ITGA6: variants seen among roughly 807,000 people sequenced by gnomAD.
ITGA6 encodes the protein integrin subunit alpha 6.
A neutral mutation model predicts 133.6 loss-of-function variants in ITGA6; 63 were observed. That is an observed-to-expected ratio of 0.47 (90% CI 0.38 to 0.58). ITGA6 has a LOEUF of 0.58. Among genes scored for constraint, ITGA6 ranks in the 20% least tolerant of loss-of-function variants. The probability of loss-of-function intolerance (pLI) is 0.00; values close to 1 mark genes in which losing one functional copy is unlikely to be tolerated. For synonymous variants in ITGA6, 434 were observed against 482.0 expected, an observed-to-expected ratio of 0.90 and a Z score of 1.30; for missense variants, 1,068 against 1,309.4, an observed-to-expected ratio of 0.82 and a Z score of 2.85.
intron 6 of ITGA6, among the ~76,000 whole-genome samples, 194 bp downstream of exon 6, chr2:172,474,459 A>G (rs985101653): frequency 2.6e-5 from 4 of 152,052 alleles, no homozygotes; most frequent in African/African-American, 9.7e-5. Context: ...AGCGTATAGG[A>G]TTATATTTTT....
chr2:172,477,270 T>C (rs970878952), intron 9 of ITGA6, among the ~76,000 whole-genome samples: 1 of 152,228 alleles, frequency 6.6e-6, no homozygotes, highest in Non-Finnish European at 1.5e-5. Context: ...TGGTGCGACA[T>C]TTCCCATCCG....
intron 5 of ITGA6, chr2:172,472,764 A>T (rs189441199): frequency 6.2e-5 from 96 of 1,555,998 alleles, no homozygotes; most frequent in Non-Finnish European, 1.9e-5. Flanking sequence ...CGTCCCGTGC[A>T]TGCGTACAGG....
At chr2:172,497,779 T>TG (rs1687189882) in intron 23 of ITGA6, among the ~76,000 whole-genome samples, 196 bp from the exon 24 acceptor site, 1 of 152,220 alleles carries the variant, frequency 6.6e-6, no homozygotes, top group Non-Finnish European at 1.5e-5. Context: ...TTCAAGATTC[T>TG]GGGGAAAGAT....
Position 172,433,342 on chromosome 2 carries a change from A to T in ITGA6, c.182+5372A>T, listed in dbSNP as rs943745164. Among the ~76,000 whole-genome samples the T allele has an allele frequency of 1.6e-4, 24 of 152,214 alleles. 1 individual carries two copies. The highest frequency in any genetic ancestry group is 1.4e-3 in the Admixed American group (21 of 15,288). On this transcript the variant is annotated intron_variant, in intron 1 of 25. Coordinates refer to ENST00000684293, the MANE Select transcript of ITGA6 (RefSeq NM_000210.4). Reference sequence around the variant, plus strand: ...AAGTGTGCTCCAAGAAGCTGTTCTTAAAGTCTTCTTCGTTTGAGTCAGACT... The same window carrying T: ...AAGTGTGCTCCAAGAAGCTGTTCTTTAAGTCTTCTTCGTTTGAGTCAGACT...
Position 172,476,323 on chromosome 2 carries a change from T to G in ITGA6, c.1270-72T>G. On this transcript the variant is annotated intron_variant, in intron 8 of 25. Transcript: ENST00000684293. ...TTTCAGTTCAAAAGAAACTTGTGTG[T>G]CTTTTTCAAAGCATTGTTAAGAAGC... is the stretch of plus-strand genomic sequence containing the variant. 3.5e-6 allele frequency: 3 copies of G among 855,916 alleles called. 1 individual carries two copies. The highest frequency in any genetic ancestry group is 4.4e-4 in the Middle Eastern group (2 of 4,580). The allele number at this position is 855,916 out of a possible 1,614,324, so 53.0% of individuals were successfully genotyped here.
intron 1 of ITGA6, among the ~76,000 whole-genome samples, chr2:172,443,304 A>T (rs1351920593): frequency 1.1e-4 from 17 of 152,226 alleles, no homozygotes. Flanking sequence ...TTCGAGGATG[A>T]ACTATGATTT....
At chr2:172,457,294 C>CAAAAAA (rs1685247604) in intron 1 of ITGA6, among the ~76,000 whole-genome samples, 2 of 65,910 alleles carry the variant, frequency 3.0e-5, no homozygotes, top group Non-Finnish European at 5.2e-5. Flanking sequence ...GATTCTGTCT[C>CAAAAAA]CAAAAAAAAA....
At chr2:172,475,486 G>T in intron 7 of ITGA6, 111 bp from the exon 8 acceptor site, 2 of 786,370 alleles carry the variant, frequency 2.5e-6, no homozygotes, top group Admixed American at 4.0e-5. Context: ...AAAAAACCCC[G>T]AAAAAGCCAA....
intron 1 of ITGA6, among the ~76,000 whole-genome samples, chr2:172,440,694 T>C (rs1220799665): frequency 4.6e-5 from 7 of 152,242 alleles, no homozygotes; most frequent in Non-Finnish European, 1.5e-5. Flanking sequence ...TAAGGACTGC[T>C]ATGAGTTGAA....
At chr2:172,444,967 GTTT>G (rs577541299) in intron 1 of ITGA6, among the ~76,000 whole-genome samples, 2,504 of 106,580 alleles carry the variant, frequency 0.023, 69 homozygotes, top group African/African-American at 0.074. Flanking sequence ...TGTAGGTTTT[GTTT>G]GTTTTGTTTT....
chr2:172,467,476 T>C lies in ITGA6; in HGVS notation c.308-5T>C. The C allele has an allele frequency of 1.2e-6, 2 of 1,612,470 alleles. No individual in the cohort carries two copies. The highest frequency in any genetic ancestry group is 1.7e-6 in the Non-Finnish European group (2 of 1,178,704). On this transcript the variant is annotated splice_polypyrimidine_tract_variant and splice_region_variant and intron_variant, in intron 2 of 25. Coordinates refer to ENST00000684293, the MANE Select transcript of ITGA6 (RefSeq NM_000210.4). ...TTGGAAGGCTAACTATGCTCCTTTC[T>C]ACAGCTGACCCCACGTCAGAAAGCA... is the stretch of plus-strand genomic sequence containing the variant.
chr2:172,436,646 G>A (rs1423006922), intron 1 of ITGA6, among the ~76,000 whole-genome samples: 1 of 152,200 alleles, frequency 6.6e-6, no homozygotes, highest in Non-Finnish European at 1.5e-5. Context: ...ATTTTTGTCT[G>A]TATTCGAACA....
chr2:172,442,286 C>T (rs1201459871), intron 1 of ITGA6, among the ~76,000 whole-genome samples: 2 of 152,170 alleles, frequency 1.3e-5, no homozygotes, highest in African/African-American at 4.8e-5. Context: ...AAGTGATTGC[C>T]CCAGGCAGGT....
At chr2:172,465,251 T>G in intron 1 of ITGA6, 1 of 488,952 alleles carries the variant, frequency 2.0e-6, no homozygotes, top group South Asian at 2.1e-5. Context: ...AGAGGGTGTC[T>G]TTTAAACACC....
chr2:172,472,059 C>T (rs545530817), intron 5 of ITGA6, among the ~76,000 whole-genome samples: 3 of 152,362 alleles, frequency 2.0e-5, no homozygotes, highest in African/African-American at 2.4e-5. Context: ...TGGTGGCTCA[C>T]GCCTATAATC....
At chr2:172,480,098 G>T in intron 11 of ITGA6, 47 bp downstream of exon 11, 2 of 1,115,708 alleles carry the variant, frequency 1.8e-6, no homozygotes, top group Non-Finnish European at 2.7e-6. Flanking sequence ...TGTCTGCCAG[G>T]TTGAAAGTTC....
chr2:172,438,582 G>A (rs80010354), intron 1 of ITGA6, among the ~76,000 whole-genome samples: 11,799 of 151,756 alleles, frequency 0.078, 644 homozygotes, highest in East Asian at 0.26. Context: ...ATCTTCATTG[G>A]TCAAATGAAG....
chr2:172,472,899 C>A lies in ITGA6; in HGVS notation c.776-1156C>A, dbSNP rs560011488. The A allele has an allele frequency of 7.3e-6, 11 of 1,499,478 alleles. No homozygotes were observed. The South Asian group carries it at 1.1e-4, about 15-fold the overall frequency. 92.9% of individuals were successfully genotyped at this position (1,499,478 alleles called of 1,614,324 possible). A position where few individuals can be genotyped will look rare whatever the true frequency, so the allele number is the denominator to read the frequency against. On this transcript the variant is annotated intron_variant, in intron 5 of 25. Coordinates refer to ENST00000684293, the MANE Select transcript of ITGA6 (RefSeq NM_000210.4). ...GATGAATAGCTACCTAGGTTTGTGACCTCTGCGACGACAAATAAATTGTCT... is the reference window on the plus strand; with the variant it reads ...GATGAATAGCTACCTAGGTTTGTGAACTCTGCGACGACAAATAAATTGTCT...
At chr2:172,481,231 A>C (rs142543570) in intron 11 of ITGA6, among the ~76,000 whole-genome samples, 413 of 152,306 alleles carry the variant, frequency 2.7e-3, no homozygotes, top group African/African-American at 9.3e-3. Context: ...CTAAAGTAGT[A>C]GTTTTCTTTA....
Sources: allele counts gnomAD v4.1 joint callset (sites outside exome capture counted in the v4.1 genomes callset), GRCh38; gene constraint gnomAD v4.1.1; transcripts MANE v1.5; gene names NCBI Gene and HGNC (gene_info 2026-07-23, HGNC 2026-07-21).